Variants in SLCO6A1 observed in about 807,000 individuals in gnomAD.
The protein encoded by SLCO6A1 is solute carrier organic anion transporter family member 6A1, also known as cancer/testis antigen 48.
Under a neutral mutation model 72.7 loss-of-function variants are expected in SLCO6A1, and 65 were observed. The observed-to-expected ratio is 0.89, with a 90% CI of 0.73 to 1.10. The LOEUF (loss-of-function observed/expected upper bound fraction) is 1.10, where lower values mean the gene tolerates loss of function less well. Ranked by LOEUF, SLCO6A1 falls within the 50% of genes least tolerant of loss-of-function variation. SLCO6A1 has a pLI of 0.00. For synonymous variants in SLCO6A1, 314 were observed against 298.2 expected, an observed-to-expected ratio of 1.05 and a Z score of -0.55; for missense variants, 874 against 872.6, an observed-to-expected ratio of 1.00 and a Z score of -0.02.
chr5:102,489,796 C>T (rs1246530228), intron 1 of SLCO6A1, among the ~76,000 whole-genome samples: 1 of 152,100 alleles, frequency 6.6e-6, no homozygotes, highest in African/African-American at 2.4e-5. Flanking sequence ...TTTGCATCCC[C>T]ATGTTTATTG....
chr5:102,476,395 A>T (rs1039423628), intron 3 of SLCO6A1, among the ~76,000 whole-genome samples: 2 of 152,200 alleles, frequency 1.3e-5, no homozygotes, highest in African/African-American at 4.8e-5. Flanking sequence ...ATCTTTAGGT[A>T]GAATTGCTTC....
intron 6 of SLCO6A1, among the ~76,000 whole-genome samples, chr5:102,451,547 C>T (rs769141591): frequency 3.3e-5 from 5 of 152,188 alleles, no homozygotes; most frequent in Admixed American, 6.5e-5. Context: ...TGCAGCTCTT[C>T]ATGTCATTCT....
intron 3 of SLCO6A1, among the ~76,000 whole-genome samples, chr5:102,477,157 T>G (rs1366939334): frequency 6.6e-6 from 1 of 152,126 alleles, no homozygotes; most frequent in Non-Finnish European, 1.5e-5. Context: ...GACGGAGTCT[T>G]GCTCTGTCAC....
intron 1 of SLCO6A1, among the ~76,000 whole-genome samples, chr5:102,485,896 A>C (rs1036248234): frequency 2.6e-5 from 4 of 152,210 alleles, no homozygotes; most frequent in Admixed American, 2.0e-4. Context: ...CACTGTAGAA[A>C]ATGATATTTT....
intron 12 of SLCO6A1, among the ~76,000 whole-genome samples, chr5:102,387,760 G>GT (rs1746496566): frequency 6.6e-6 from 1 of 152,066 alleles, no homozygotes. Context: ...TTTAAAGTAT[G>GT]TATCACACAA....
chr5:102,459,162 C>T (rs1012516575), intron 5 of SLCO6A1, among the ~76,000 whole-genome samples: 9 of 152,218 alleles, frequency 5.9e-5, no homozygotes, highest in East Asian at 1.9e-4. Flanking sequence ...GTAATCTCAA[C>T]GCGTTGTGAA....
intron 1 of SLCO6A1, among the ~76,000 whole-genome samples, chr5:102,496,832 A>T (rs2112876991): frequency 6.6e-6 from 1 of 152,258 alleles, no homozygotes; most frequent in Admixed American, 6.5e-5. Flanking sequence ...GTCATTCACT[A>T]TTGTGAAACA....
intron 1 of SLCO6A1, 77 bp downstream of exon 1, chr5:102,498,410 G>C: frequency 7.0e-7 from 1 of 1,422,384 alleles, no homozygotes; most frequent in Non-Finnish European, 9.6e-7. Flanking sequence ...GGCGTCCTCC[G>C]CCATACTCCC....
chr5:102,385,107 T>TA (rs1746341248), intron 12 of SLCO6A1, among the ~76,000 whole-genome samples: 1 of 152,154 alleles, frequency 6.6e-6, no homozygotes, highest in Admixed American at 6.5e-5. Context: ...TGGCTGGCAG[T>TA]TTCTTTCTTT....
At chr5:102,437,288 T>C (rs1580425926) in intron 7 of SLCO6A1, among the ~76,000 whole-genome samples, 1 of 152,182 alleles carries the variant, frequency 6.6e-6, no homozygotes, top group Non-Finnish European at 1.5e-5. Flanking sequence ...GAATTTGCAA[T>C]TGCTAATGTA....
chr5:102,436,478 A>G (rs983677896), intron 7 of SLCO6A1, among the ~76,000 whole-genome samples: 6 of 152,216 alleles, frequency 3.9e-5, no homozygotes, highest in African/African-American at 1.4e-4. Context: ...AAGGGAACCT[A>G]ATGTCACTTT....
chr5:102,442,430 T>G (rs1749884766), intron 6 of SLCO6A1, among the ~76,000 whole-genome samples: 2 of 152,236 alleles, frequency 1.3e-5, no homozygotes. Context: ...GTGGTTATGA[T>G]AATTGAATAC....
intron 1 of SLCO6A1, among the ~76,000 whole-genome samples, chr5:102,497,220 T>A (rs1156409677): frequency 6.6e-6 from 1 of 152,210 alleles, no homozygotes; most frequent in Non-Finnish European, 1.5e-5. Context: ...CAAATTCACC[T>A]TCTTCAAAAT....
intron 9 of SLCO6A1, among the ~76,000 whole-genome samples, chr5:102,412,443 C>T (rs1237281665): frequency 6.6e-6 from 1 of 152,200 alleles, no homozygotes; most frequent in African/African-American, 2.4e-5. Flanking sequence ...TCCATAAGCT[C>T]TTTGTATTGT....
intron 8 of SLCO6A1, among the ~76,000 whole-genome samples, chr5:102,418,964 G>A (rs1324564930): frequency 3.3e-5 from 5 of 151,944 alleles, no homozygotes; most frequent in African/African-American, 9.7e-5. Context: ...GCCTTTCTAT[G>A]TACTAATTTT....
intron 4 of SLCO6A1, among the ~76,000 whole-genome samples, chr5:102,469,731 T>C (rs1216180933): frequency 4.6e-5 from 7 of 152,324 alleles, no homozygotes; most frequent in African/African-American, 1.4e-4. Flanking sequence ...ATCCTTGTCT[T>C]GTGCCGGTTT....
At chr5:102,473,946 G>A (rs1305740247) in intron 4 of SLCO6A1, among the ~76,000 whole-genome samples, 1 of 151,810 alleles carries the variant, frequency 6.6e-6, no homozygotes, top group East Asian at 1.9e-4. Context: ...CCATGTTTAT[G>A]GATTGAACAT....
intron 1 of SLCO6A1, 104 bp from the exon 2 acceptor site, chr5:102,480,538 A>C (rs910293757): frequency 1.8e-6 from 2 of 1,098,556 alleles, no homozygotes; most frequent in African/African-American, 1.6e-5. Flanking sequence ...GTTTATTTTA[A>C]ATTATTCTGA....
intron 7 of SLCO6A1, 107 bp downstream of exon 7, chr5:102,438,510 A>T: frequency 2.3e-6 from 2 of 863,554 alleles, no homozygotes; most frequent in Non-Finnish European, 3.4e-6. Context: ...CACAAATCAT[A>T]TCTAGGTATA....
Sources: allele counts gnomAD v4.1 joint callset (sites outside exome capture counted in the v4.1 genomes callset), GRCh38; gene constraint gnomAD v4.1.1; transcripts MANE v1.5; gene names NCBI Gene and HGNC (gene_info 2026-07-23, HGNC 2026-07-21).